NRG3: variants seen among roughly 807,000 people sequenced by gnomAD.
NRG3 encodes the protein neuregulin 3.
In NRG3, 31 loss-of-function variants were observed where a neutral mutation model predicts 66.9. The observed-to-expected ratio is 0.46, with a 90% CI of 0.35 to 0.63. The LOEUF is 0.63. NRG3 is among the 20% of genes least tolerant of loss of function. The pLI is 0.00. For synonymous variants in NRG3, 393 were observed against 359.4 expected (o/e 1.09, Z -1.06); for missense variants, 910 against 878.9 (o/e 1.04, Z -0.45).
chr10:82,731,499 G>A (rs763688357), intron 2 of NRG3, among the ~76,000 whole-genome samples: 9 of 151,840 alleles, frequency 5.9e-5, no homozygotes, highest in Admixed American at 6.6e-5. Flanking sequence ...TAGATTCCAC[G>A]TATACGTGAT....
chr10:82,704,533 A>T (rs2056144814), intron 2 of NRG3, among the ~76,000 whole-genome samples: 1 of 152,178 alleles, frequency 6.6e-6, no homozygotes, highest in Admixed American at 6.5e-5. Flanking sequence ...CCAAAGGAGG[A>T]ACTTGTACTA....
intron 2 of NRG3, among the ~76,000 whole-genome samples, chr10:82,645,452 T>C (rs1475847706): frequency 6.6e-6 from 1 of 152,224 alleles, no homozygotes; most frequent in African/African-American, 2.4e-5. Context: ...CTCTCAACAG[T>C]TCCTGGTGTC....
At chr10:82,119,081 T>A (rs1455771715) in intron 1 of NRG3, among the ~76,000 whole-genome samples, 1 of 152,230 alleles carries the variant, frequency 6.6e-6, no homozygotes, top group African/African-American at 2.4e-5. Flanking sequence ...GTTTGATTTA[T>A]GAATGCAATG....
At chr10:82,107,521 T>C (rs978820079) in intron 1 of NRG3, among the ~76,000 whole-genome samples, 2 of 152,112 alleles carry the variant, frequency 1.3e-5, no homozygotes, top group Non-Finnish European at 2.9e-5. Flanking sequence ...TAAAAAAAAT[T>C]TTACAGGTGG....
intron 3 of NRG3, among the ~76,000 whole-genome samples, chr10:82,752,667 G>A (rs888551785): frequency 1.3e-5 from 2 of 152,138 alleles, no homozygotes; most frequent in African/African-American, 4.8e-5. Flanking sequence ...AATTACCAAT[G>A]TGATGACATT....
chr10:82,472,063 A>G (rs1018625953), intron 2 of NRG3, among the ~76,000 whole-genome samples: 12 of 152,146 alleles, frequency 7.9e-5, no homozygotes, highest in Admixed American at 7.2e-4. Context: ...AATTGAAAAA[A>G]AAAAATACTA....
intron 3 of NRG3, among the ~76,000 whole-genome samples, chr10:82,817,393 A>G (rs1020197460): frequency 3.9e-5 from 6 of 152,220 alleles, no homozygotes; most frequent in Non-Finnish European, 7.3e-5. Context: ...TTTTTTCTAT[A>G]TTTTAAGCCT....
At chr10:82,604,629 G>A (rs1314127050) in intron 2 of NRG3, among the ~76,000 whole-genome samples, 1 of 152,010 alleles carries the variant, frequency 6.6e-6, no homozygotes, top group African/African-American at 2.4e-5. Context: ...AGACAGTGTG[G>A]TACTGGAGAA....
At chr10:82,286,344 C>T (rs1416343680) in intron 1 of NRG3, among the ~76,000 whole-genome samples, 5 of 152,054 alleles carry the variant, frequency 3.3e-5, no homozygotes, top group Non-Finnish European at 5.9e-5. Flanking sequence ...TATGTTGACA[C>T]ATAATGTGTA....
chr10:81,919,045 C>T (rs944282583), intron 1 of NRG3, among the ~76,000 whole-genome samples: 3 of 151,766 alleles, frequency 2.0e-5, no homozygotes, highest in Non-Finnish European at 2.9e-5. Context: ...TACTATATAG[C>T]CCTCCTGTTT....
intron 8 of NRG3, among the ~76,000 whole-genome samples, chr10:82,984,056 G>C (rs977423307): frequency 2.6e-5 from 4 of 152,222 alleles, no homozygotes; most frequent in Non-Finnish European, 4.4e-5. Context: ...GTCGAGGAAA[G>C]GAGATTTATT....
chr10:81,952,491 G>C (rs1363379406), intron 1 of NRG3, among the ~76,000 whole-genome samples: 1 of 152,026 alleles, frequency 6.6e-6, no homozygotes, highest in Non-Finnish European at 1.5e-5. Flanking sequence ...AGAGTAAGGA[G>C]AAAGTAGAAG....
chr10:82,636,263 A>G (rs2050190998), intron 2 of NRG3, among the ~76,000 whole-genome samples: 1 of 150,542 alleles, frequency 6.6e-6, no homozygotes, highest in African/African-American at 2.4e-5. Context: ...GTGTGTGTAA[A>G]TATGTGTACA....
chr10:82,615,063 C>A (rs958799849), intron 2 of NRG3, among the ~76,000 whole-genome samples: 5 of 152,062 alleles, frequency 3.3e-5, no homozygotes, highest in African/African-American at 1.2e-4. Context: ...GATTTAGACA[C>A]CTGTGAGTCC....
At chr10:82,659,276 C>G (rs372569206) in intron 2 of NRG3, among the ~76,000 whole-genome samples, 1 of 152,188 alleles carries the variant, frequency 6.6e-6, no homozygotes, top group African/African-American at 2.4e-5. Flanking sequence ...TGGAGAAATA[C>G]TTGTCTGGAC....
At chr10:82,428,713 G>T (rs2089604400) in intron 2 of NRG3, among the ~76,000 whole-genome samples, 1 of 151,836 alleles carries the variant, frequency 6.6e-6, no homozygotes, top group Admixed American at 6.6e-5. Context: ...ATAGATGTCT[G>T]TTTAAGTCTG....
intron 4 of NRG3, among the ~76,000 whole-genome samples, chr10:82,877,063 A>G (rs1841893079): frequency 6.6e-6 from 1 of 151,974 alleles, no homozygotes; most frequent in Admixed American, 6.6e-5. Flanking sequence ...TCTCAGAGTT[A>G]TCAGAGAAGT....
At chr10:82,817,699 T>C (rs1591616841) in intron 3 of NRG3, among the ~76,000 whole-genome samples, 1 of 152,332 alleles carries the variant, frequency 6.6e-6, no homozygotes, top group African/African-American at 2.4e-5. Flanking sequence ...GATATTACAC[T>C]AGAAGTTCAA....
At chr10:81,948,093 A>G (rs1849009855) in intron 1 of NRG3, among the ~76,000 whole-genome samples, 1 of 152,192 alleles carries the variant, frequency 6.6e-6, no homozygotes, top group African/African-American at 2.4e-5. Context: ...AGACTCAAGT[A>G]ACTGAAGCCT....
Sources: allele counts gnomAD v4.1 joint callset (sites outside exome capture counted in the v4.1 genomes callset), GRCh38; gene constraint gnomAD v4.1.1; transcripts MANE v1.5; gene names NCBI Gene and HGNC (gene_info 2026-07-23, HGNC 2026-07-21).